Variants in BACE2 observed in about 807,000 individuals in gnomAD.
BACE2 encodes 56 kDa aspartic-like protease.
In BACE2, 17 loss-of-function variants were observed where a neutral mutation model predicts 46.2. The ratio of observed to expected loss-of-function variants is 0.37; its 90% confidence interval spans 0.25 to 0.55. The LOEUF (loss-of-function observed/expected upper bound fraction) is 0.55. Ranked by LOEUF, BACE2 falls within the 20% of genes least tolerant of loss-of-function variation. The pLI is 0.82. For synonymous variants in BACE2, 277 were observed against 295.9 expected, an observed-to-expected ratio of 0.94 and a Z score of 0.66; for missense variants, 595 against 698.1, an observed-to-expected ratio of 0.85 and a Z score of 1.66.
At chr21:41,253,441 C>CAAAAA (rs58206534) in intron 7 of BACE2, among the ~76,000 whole-genome samples, 1 of 113,212 alleles carries the variant, frequency 8.8e-6, no homozygotes, top group Non-Finnish European at 1.8e-5. Context: ...GACTCCATCT[C>CAAAAA]AAAAAAAAAA....
At chr21:41,257,055 C>T (rs549676509) in intron 7 of BACE2, 103 bp from the exon 8 acceptor site, 56 of 1,316,040 alleles carry the variant, frequency 4.3e-5, no homozygotes, top group South Asian at 1.2e-4. Context: ...CTCCCCCCAG[C>T]GCCTGGGAGG....
chr21:41,206,749 G>C (rs1302683394), intron 1 of BACE2, among the ~76,000 whole-genome samples: 1 of 152,184 alleles, frequency 6.6e-6, no homozygotes, highest in African/African-American at 2.4e-5. Context: ...TAACGCCATT[G>C]AACTTCACCT....
chr21:41,234,525 A>G (rs951336658), intron 2 of BACE2, among the ~76,000 whole-genome samples: 2 of 152,212 alleles, frequency 1.3e-5, no homozygotes, highest in Admixed American at 6.5e-5. Context: ...CAGAGATCCC[A>G]TGGCCTACAA....
Position 41,168,445 on chromosome 21 carries a change from C to T in BACE2, c.182C>T (p.Ala61Val), listed in dbSNP as rs1984461855. ...TPAERHADGL[A>V]LALEPALASP... is the part of the protein sequence containing the mutation. ...GCCGAGCGCCACGCCGACGGCTTGG[C>T]GCTCGCCCTGGAGCCTGCCCTGGCG... is the stretch of plus-strand genomic sequence containing the variant. Residue 61 changes from alanine to valine, a missense_variant, in exon 1 of 9, where the codon GCG (alanine) becomes GTG (valine). Physicochemically the swap from Ala to Val is moderately conservative, Grantham distance 64 (BLOSUM62 0). This residue lies in a region of BACE2 where 248 missense variants were observed against 261.4 expected (regional missense o/e 0.95). Coordinates refer to ENST00000330333, the MANE Select transcript of BACE2 (RefSeq NM_012105.5). 7.2e-7 allele frequency: 1 copy of T among 1,396,172 alleles called. No individual in the cohort carries two copies. Among genetic ancestry groups the T allele is most frequent in the Non-Finnish European group, 9.3e-7 (1 of 1,072,932 alleles). The allele number at this position is 1,396,172 out of a possible 1,614,324, so 86.5% of individuals were successfully genotyped here.
intron 8 of BACE2, among the ~76,000 whole-genome samples, chr21:41,263,623 G>A (rs1246514713): frequency 6.6e-6 from 1 of 152,180 alleles, no homozygotes; most frequent in Non-Finnish European, 1.5e-5. Context: ...GATTGCCTGT[G>A]TTCCCTTAGT....
chr21:41,238,945 A>C (rs978485783), intron 3 of BACE2, among the ~76,000 whole-genome samples: 1 of 132,084 alleles, frequency 7.6e-6, no homozygotes, highest in African/African-American at 2.9e-5. Flanking sequence ...CTAAAACTTA[A>C]AGTATAATTA....
chr21:41,183,407 A>G (rs543988340), intron 1 of BACE2: 5 of 167,226 alleles, frequency 3.0e-5, no homozygotes, highest in Admixed American at 6.5e-5. Context: ...CACACATCAC[A>G]ATACATGTAC....
intron 6 of BACE2, among the ~76,000 whole-genome samples, chr21:41,248,747 C>T (rs991780339): frequency 3.3e-5 from 5 of 152,220 alleles, no homozygotes; most frequent in African/African-American, 4.8e-5. Flanking sequence ...GTCTGCAGTG[C>T]GCGTGGTTAC....
chr21:41,173,055 C>T lies in BACE2; in HGVS notation c.312+4480C>T, dbSNP rs189492405. 3.3e-5 allele frequency among the ~76,000 whole-genome samples: 5 copies of T among 152,330 alleles called. No homozygotes were observed. In the East Asian group the frequency reaches 7.7e-4, roughly 24 times the overall value. On this transcript the variant is annotated intron_variant, in intron 1 of 8. Coordinates refer to ENST00000330333, the MANE Select transcript of BACE2 (RefSeq NM_012105.5). ...CAGTCATTAGATTAGGGCCTGCCCT[C>T]CTCTAACCTGACCTCATCTTTACTT... is the stretch of plus-strand genomic sequence containing the variant.
At chr21:41,199,672 C>T (rs893359473) in intron 1 of BACE2, among the ~76,000 whole-genome samples, 8 of 152,158 alleles carry the variant, frequency 5.3e-5, no homozygotes, top group African/African-American at 1.9e-4. Context: ...ATCCCACTCA[C>T]GCTTCCTACT....
chr21:41,215,345 G>A (rs17000671), intron 1 of BACE2, among the ~76,000 whole-genome samples: 2,727 of 152,228 alleles, frequency 0.018, 77 homozygotes, highest in African/African-American at 0.061. Context: ...ATCACAGATG[G>A]TTTTCAAGGG....
rs1235662741 is a variant in BACE2 at position 41,245,964 on chromosome 21, T to C, written c.885T>C (p.Tyr295=). Residue 295 remains tyrosine (Y), a splice_region_variant and synonymous_variant, in exon 6 of 9, where the codon TAT becomes TAC. Transcript: ENST00000330333. The stretch of plus-strand genomic sequence containing the variant: ...TTCCCTTTCTCTCCCGGTTCAAGTA[T>C]AACGCAGACAAGGCCATCGTGGACA... The part of the protein sequence containing the change: ...GQSLNLDCRE[Y]NADKAIVDSG... 2 of 1,607,592 alleles carry C rather than the reference T, an allele frequency of 1.2e-6. No individual in the cohort carries two copies. The highest frequency in any genetic ancestry group is 1.7e-6 in the Non-Finnish European group (2 of 1,176,832).
intron 6 of BACE2, among the ~76,000 whole-genome samples, chr21:41,248,033 G>A (rs1987523086): frequency 6.6e-6 from 1 of 152,138 alleles, no homozygotes; most frequent in Non-Finnish European, 1.5e-5. Context: ...GGATTGTTCA[G>A]ATGGGATTCT....
intron 5 of BACE2, among the ~76,000 whole-genome samples, chr21:41,245,437 C>T (rs572001957): frequency 2.0e-5 from 3 of 152,324 alleles, no homozygotes; most frequent in Non-Finnish European, 2.9e-5. Flanking sequence ...GGGCTGGCAG[C>T]GCCTGTGTGT....
At chr21:41,256,315 C>T (rs766710163) in intron 7 of BACE2, among the ~76,000 whole-genome samples, 4 of 152,092 alleles carry the variant, frequency 2.6e-5, no homozygotes, top group Non-Finnish European at 5.9e-5. Flanking sequence ...TGTTCAACTC[C>T]CACTTATGAG....
intron 5 of BACE2, among the ~76,000 whole-genome samples, chr21:41,245,038 A>G (rs952607211): frequency 6.6e-6 from 1 of 152,070 alleles, no homozygotes; most frequent in Non-Finnish European, 1.5e-5. Context: ...GCAACATTTC[A>G]GTTTGCATAT....
At chr21:41,209,396 C>T (rs1986229550) in intron 1 of BACE2, among the ~76,000 whole-genome samples, 1 of 152,282 alleles carries the variant, frequency 6.6e-6, no homozygotes, top group African/African-American at 2.4e-5. Flanking sequence ...AGGAGTCCAT[C>T]TGAGGGAGGA....
At chr21:41,271,000 CATT>C (rs1437495057) in intron 8 of BACE2, among the ~76,000 whole-genome samples, 3 of 152,034 alleles carry the variant, frequency 2.0e-5, no homozygotes, top group Non-Finnish European at 4.4e-5. Flanking sequence ...GGTAAAAAAA[CATT>C]AGGATTTTTA....
chr21:41,261,367 T>C (rs970439887), intron 8 of BACE2, among the ~76,000 whole-genome samples: 1 of 152,216 alleles, frequency 6.6e-6, no homozygotes, highest in Admixed American at 6.5e-5. Flanking sequence ...CATACAACTT[T>C]GGATATGTTT....
Sources: gnomAD v4.1 joint callset for allele counts (sites outside exome capture counted in the v4.1 genomes callset) on GRCh38, gnomAD v4.1.1 for gene constraint, gnomAD v4.1.1 regional missense constraint, MANE v1.5 for transcripts, NCBI Gene and HGNC (gene_info 2026-07-23, HGNC 2026-07-21) for gene names.